The following SLC15A5 variants were observed in gnomAD, a reference collection of about 807,000 sequenced individuals.
SLC15A5 encodes solute carrier family 15 member 5, also known as Peptide/histidine transporter ENSP00000340402.
A neutral mutation model predicts 56.1 loss-of-function variants in SLC15A5; 58 were observed. The observed-to-expected ratio is 1.03, with a 90% CI of 0.84 to 1.29. The LOEUF (loss-of-function observed/expected upper bound fraction) is 1.29. Ranked by LOEUF, SLC15A5 falls within the 50% of genes most tolerant of loss-of-function variation. SLC15A5 has a pLI of 0.00. For synonymous variants in SLC15A5, 264 were observed against 250.5 expected (o/e 1.05, Z -0.51); for missense variants, 681 against 672.1 (o/e 1.01, Z -0.15).
At chr12:16,244,887 G>GATTC (rs1280506614) in intron 3 of SLC15A5, 87 bp from the exon 4 acceptor site, 2 of 1,369,448 alleles carry the variant, frequency 1.5e-6, no homozygotes, top group African/African-American at 2.9e-5. Context: ...ACGATTCAAG[G>GATTC]ATTCACGGCA....
At chr12:16,221,085 A>G (rs1864183460) in intron 6 of SLC15A5, among the ~76,000 whole-genome samples, 1 of 152,136 alleles carries the variant, frequency 6.6e-6, no homozygotes, top group African/African-American at 2.4e-5. Context: ...AATGCCATCA[A>G]TGTAGGACAC....
chr12:16,244,680 C>T lies in SLC15A5; in HGVS notation c.875G>A (p.Gly292Asp). 1.3e-6 allele frequency: 2 copies of T among 1,537,550 alleles called. No homozygotes were observed. Among genetic ancestry groups the T allele is most frequent in the Non-Finnish European group, 1.7e-6 (2 of 1,147,000 alleles). The change falls in exon 4 of 9, where the codon GGT becomes GAT. Residue 292 changes from glycine to aspartate, a missense_variant. By Grantham distance (94) the Gly-to-Asp change is moderately conservative (BLOSUM62 -1). Transcript: ENST00000344941. ...SQLDHAKEKN[G>D]GCYSELHVED... ...TACATGGAGCTCACTGTAGCAGCCA[C>T]CATTTTTTTCTTTGGCATGGTCTAA... is the stretch of plus-strand genomic sequence containing the variant.
chr12:16,192,243 A>G (rs1184473553), intron 8 of SLC15A5, among the ~76,000 whole-genome samples: 1 of 152,040 alleles, frequency 6.6e-6, no homozygotes, highest in African/African-American at 2.4e-5. Context: ...TAGAAAATTA[A>G]TTTCTTTCCT....
intron 7 of SLC15A5, among the ~76,000 whole-genome samples, chr12:16,211,896 C>T (rs368776886): frequency 6.6e-6 from 1 of 152,222 alleles, no homozygotes; most frequent in Non-Finnish European, 1.5e-5. Context: ...TTGAATTTAC[C>T]GCATTCACAC....
At chr12:16,205,596 T>C (rs201583669) in intron 7 of SLC15A5, among the ~76,000 whole-genome samples, 31,892 of 87,632 alleles carry the variant, frequency 0.36, 5,637 homozygotes, top group East Asian at 0.47. Context: ...TATATACATA[T>C]ACACACACAC....
rs1863813805 is a variant in SLC15A5 at position 16,188,958 on chromosome 12, G to A, written c.*710C>T. On this transcript the variant is annotated 3_prime_UTR_variant, in exon 9 of 9. Coordinates refer to ENST00000344941, the MANE Select transcript of SLC15A5 (RefSeq NM_001170798.1). ...ATAATTCCTTTAAGCATCTCTATTT[G>A]GTTTGGTCACTTACCCTCCTCTCAG... The A allele has an allele frequency of 6.6e-6, 1 of 151,948 alleles. No individual in the cohort carries two copies. The highest frequency in any genetic ancestry group is 2.4e-5 in the African/African-American group (1 of 41,386). The allele number at this position is 151,948 out of a possible 1,614,324, so 9.4% of individuals were successfully genotyped here. A position where few individuals can be genotyped will look rare whatever the true frequency, so the allele number is the denominator to read the frequency against.
chr12:16,270,837 G>T (rs954676719), intron 2 of SLC15A5, among the ~76,000 whole-genome samples: 4 of 152,062 alleles, frequency 2.6e-5, no homozygotes, highest in African/African-American at 9.7e-5. Context: ...CTGCAGTAAG[G>T]TAAGTGAACA....
At chr12:16,216,564 T>C (rs1864131192) in intron 7 of SLC15A5, among the ~76,000 whole-genome samples, 1 of 152,198 alleles carries the variant, frequency 6.6e-6, no homozygotes, top group African/African-American at 2.4e-5. Context: ...GGTCTTACTT[T>C]TTCTGAGGAC....
chr12:16,193,031 A>T (rs1863852614), intron 8 of SLC15A5, among the ~76,000 whole-genome samples: 1 of 152,086 alleles, frequency 6.6e-6, no homozygotes, highest in Non-Finnish European at 1.5e-5. Context: ...TTACCATAGG[A>T]TACAAAATAA....
At chr12:16,217,492 CAT>C (rs1864141771) in intron 6 of SLC15A5, among the ~76,000 whole-genome samples, 1 of 152,022 alleles carries the variant, frequency 6.6e-6, no homozygotes, top group African/African-American at 2.4e-5. Flanking sequence ...ATTAAAATAC[CAT>C]GTCAGCCATC....
At chr12:16,244,861 G>T in intron 3 of SLC15A5, 61 bp from the exon 4 acceptor site, 1 of 1,466,204 alleles carries the variant, frequency 6.8e-7, no homozygotes, top group Non-Finnish European at 9.2e-7. Context: ...TTTTCAAGAT[G>T]CTGATCAGAA....
rs1477588480 is a variant in SLC15A5 at position 16,269,858 on chromosome 12, A to C, written c.584+2703T>G. Among the ~76,000 whole-genome samples the C allele has an allele frequency of 6.6e-6, 1 of 152,210 alleles. No homozygotes were observed. The highest frequency in any genetic ancestry group is 1.9e-4 in the East Asian group (1 of 5,196). On this transcript the variant is annotated intron_variant, in intron 2 of 8. Coordinates refer to ENST00000344941, the MANE Select transcript of SLC15A5 (RefSeq NM_001170798.1). The surrounding 1 kb of genome is among the most constrained non-coding windows in gnomAD (Gnocchi z 4.7). ...AAGATTTGAGGTTAATTGTGGTAGA[A>C]TTTAAAATTGTGGCCAGGAACAGAC...
chr12:16,214,551 A>G (rs1799514), intron 7 of SLC15A5, among the ~76,000 whole-genome samples: 28,911 of 152,084 alleles, frequency 0.19, 2,889 homozygotes, highest in East Asian at 0.27. Flanking sequence ...TGAGCTCACA[A>G]TGATTCAATC....
rs568013277 is a variant in SLC15A5 at position 16,191,398 on chromosome 12, C to T, written c.1593-1583G>A. ...TGTTGTTTCATAATTAATACACTGT[C>T]CTCAAGATCTTGAGGACAAGAATAA... On this transcript the variant is annotated intron_variant, in intron 8 of 8. Transcript: ENST00000344941. Among the ~76,000 whole-genome samples the T allele has an allele frequency of 1.4e-4, 22 of 152,114 alleles. No individual in the cohort carries two copies. In the South Asian group the frequency reaches 4.6e-3, roughly 32 times the overall value.
rs746921679 is a variant in SLC15A5, at chr12:16,239,728, C to T, written c.1115G>A (p.Cys372Tyr). 3.3e-6 allele frequency: 5 copies of T among 1,537,322 alleles called. No individual in the cohort carries two copies. Among genetic ancestry groups the T allele is most frequent in the Non-Finnish European group, 2.6e-6 (3 of 1,146,904 alleles). Reference sequence around the variant, plus strand: ...TCCAACTCTCTTAGAGGGAAACAGGCAGGTGCTGAAATACTCCAGAAAAGG... The same window carrying T: ...TCCAACTCTCTTAGAGGGAAACAGGTAGGTGCTGAAATACTCCAGAAAAGG... ...LAPFLEYFST[C>Y]LFPSKRVGSF... Residue 372 changes from cysteine to tyrosine, a missense_variant, in exon 5 of 9, where the codon TGC becomes TAC. Cys to Tyr is a radical substitution (Grantham distance 194). Coordinates refer to ENST00000344941, the MANE Select transcript of SLC15A5 (RefSeq NM_001170798.1).
At position 16,277,242 on chromosome 12, in the gene SLC15A5, G is replaced by C. The variant is rs890931650; in HGVS notation, c.361+83C>G. On this transcript the variant is annotated intron_variant, in intron 1 of 8. Coordinates refer to ENST00000344941, the MANE Select transcript of SLC15A5 (RefSeq NM_001170798.1). ...TATCACATTTTATGCTAAGAGCAGA[G>C]TGAAAATAATATAAACTAAAAATTC... is the stretch of plus-strand genomic sequence containing the variant. 3.1e-5 allele frequency: 40 copies of C among 1,290,448 alleles called. 1 individual carries two copies. In the South Asian group the frequency reaches 6.1e-4, roughly 20 times the overall value. 79.9% of individuals were successfully genotyped at this position (1,290,448 alleles called of 1,614,324 possible).
chr12:16,217,004 AT>A lies in SLC15A5; in HGVS notation c.1371del (p.Arg457SerfsTer12). 6.5e-7 allele frequency: 1 copy of A among 1,536,430 alleles called. No individual in the cohort carries two copies. The highest frequency in any genetic ancestry group is 8.7e-7 in the Non-Finnish European group (1 of 1,146,526). On this transcript the variant is annotated frameshift_variant, in exon 7 of 9. Coordinates refer to ENST00000344941, the MANE Select transcript of SLC15A5 (RefSeq NM_001170798.1). LOFTEE classifies it high-confidence loss of function. ...VNPALSVISY[R>X]FVPSNVRGTS... ...GTTCCTCTGACATTGCTTGGAACAA[AT>A]CTGTATGATATTACAGAGACTGAGA...
At chr12:16,250,676 A>C (rs144399079) in intron 3 of SLC15A5, among the ~76,000 whole-genome samples, 1 of 152,102 alleles carries the variant, frequency 6.6e-6, no homozygotes, top group African/African-American at 2.4e-5. Flanking sequence ...GTTGGTAATA[A>C]TATGGAAAAA....
In SLC15A5 at chr12:16,257,991, A is replaced by G. The variant is rs574452138; in HGVS notation, c.585-121T>C. The G allele has an allele frequency of 1.8e-4, 160 of 865,378 alleles. No individual in the cohort carries two copies. The African/African-American group carries it at 2.4e-3, about 13-fold the overall frequency. The allele number at this position is 865,378 out of a possible 1,614,324, so 53.6% of individuals were successfully genotyped here. On this transcript the variant is annotated intron_variant, in intron 2 of 8. Transcript: ENST00000344941. Reference sequence around the variant, plus strand: ...AATGATGGCATGTTAACTGAACCCAATTTTGCAAATGTTGTTTATCAGATT... The same window carrying G: ...AATGATGGCATGTTAACTGAACCCAGTTTTGCAAATGTTGTTTATCAGATT...
Sources: allele counts gnomAD v4.1 joint callset (sites outside exome capture counted in the v4.1 genomes callset), GRCh38; gene constraint gnomAD v4.1.1; non-coding constraint Gnocchi (gnomAD v3.1); transcripts MANE v1.5; gene names NCBI Gene and HGNC (gene_info 2026-07-23, HGNC 2026-07-21).